The following MYO16 variants were observed in gnomAD, a reference collection of about 807,000 sequenced individuals.
MYO16 encodes myosin XVI.
Under a neutral mutation model 205.3 loss-of-function variants are expected in MYO16, and 94 were observed. The ratio of observed to expected loss-of-function variants is 0.46; its 90% confidence interval spans 0.39 to 0.54. The LOEUF (loss-of-function observed/expected upper bound fraction) is 0.54. Ranked by LOEUF, MYO16 falls within the 20% of genes least tolerant of loss-of-function variation. The pLI, the probability that MYO16 is intolerant of heterozygous loss-of-function variation, is 0.00. For synonymous variants in MYO16, 988 were observed against 954.0 expected (o/e 1.04, Z -0.66); for missense variants, 2,315 against 2,387.5 (o/e 0.97, Z 0.63).
chr13:109,020,827 T>C (rs1885998576), intron 23 of MYO16, among the ~76,000 whole-genome samples: 1 of 152,196 alleles, frequency 6.6e-6, no homozygotes, highest in Non-Finnish European at 1.5e-5. Context: ...TTTCGACCAG[T>C]GTTTCTAGAC....
intron 13 of MYO16, among the ~76,000 whole-genome samples, chr13:108,886,018 C>G (rs9559435): frequency 0.11 from 16,276 of 151,732 alleles, 891 homozygotes; most frequent in Middle Eastern, 0.13. Flanking sequence ...TCTTGAGTCT[C>G]GCTCTGTCGC....
chr13:108,618,837 T>C (rs1879440202), intron 1 of MYO16, among the ~76,000 whole-genome samples: 1 of 152,184 alleles, frequency 6.6e-6, no homozygotes, highest in South Asian at 2.1e-4. Flanking sequence ...AAACAATAGA[T>C]TATAATTTGC....
At chr13:108,736,579 T>C (rs1884709359) in intron 4 of MYO16, among the ~76,000 whole-genome samples, 1 of 152,208 alleles carries the variant, frequency 6.6e-6, no homozygotes. Flanking sequence ...GGTAGCGTGA[T>C]GCCTCCAGCT....
intron 1 of MYO16, among the ~76,000 whole-genome samples, chr13:108,652,013 T>A (rs768209475): frequency 6.6e-6 from 1 of 152,060 alleles, no homozygotes; most frequent in Non-Finnish European, 1.5e-5. Context: ...TCTTTGAGAA[T>A]CCACATTGTT....
At chr13:108,946,773 G>A (rs747825557) in intron 16 of MYO16, among the ~76,000 whole-genome samples, 2 of 151,664 alleles carry the variant, frequency 1.3e-5, no homozygotes, top group South Asian at 2.1e-4. Context: ...ATATAGTCTC[G>A]CTCTGTCACC....
At chr13:108,923,172 A>T (rs975747518) in intron 16 of MYO16, among the ~76,000 whole-genome samples, 2 of 152,208 alleles carry the variant, frequency 1.3e-5, no homozygotes, top group African/African-American at 4.8e-5. Flanking sequence ...CTCACAGGGA[A>T]GGAGAGGCCT....
chr13:108,908,987 A>AAATAAAT (rs1555311597), intron 15 of MYO16, among the ~76,000 whole-genome samples: 2,155 of 148,842 alleles, frequency 0.014, 63 homozygotes, highest in Admixed American at 0.064. Context: ...AAAATAAAAT[A>AAATAAAT]AAATAAATAA....
chr13:108,869,731 TAAAAAAAAA>T lies in MYO16; in HGVS notation c.1425+3510_1425+3518del, dbSNP rs68025820. ...GGGCGACAGAGCGAGACTCCGTTTC[TAAAAAAAAA>T]AAAAAAAAAAAAAAAAAAAAGAAAC... On this transcript the variant is annotated intron_variant, in intron 12 of 34. Coordinates refer to ENST00000457511, the MANE Select transcript of MYO16 (RefSeq NM_001198950.3). 1.5e-3 allele frequency among the ~76,000 whole-genome samples: 102 copies of T among 67,028 alleles called. 4 individuals carry two copies. In the East Asian group the frequency reaches 0.027, roughly 18 times the overall value. The allele number at this position is 67,028 out of a possible 152,430, so 44.0% of individuals were successfully genotyped here.
chr13:108,928,468 G>A (rs1043209702), intron 16 of MYO16, among the ~76,000 whole-genome samples: 9 of 152,194 alleles, frequency 5.9e-5, no homozygotes, highest in African/African-American at 2.2e-4. Context: ...ATAATGCCAT[G>A]TGTTTTATCT....
intron 3 of MYO16, among the ~76,000 whole-genome samples, chr13:108,714,301 C>G (rs113482882): frequency 1.3e-3 from 203 of 152,296 alleles, no homozygotes; most frequent in African/African-American, 4.8e-3. Flanking sequence ...GTGATCCACC[C>G]GCCTTGGCCT....
chr13:108,727,779 G>T (rs1323449901), intron 4 of MYO16, among the ~76,000 whole-genome samples, 196 bp downstream of exon 4: 1 of 152,204 alleles, frequency 6.6e-6, no homozygotes, highest in Non-Finnish European at 1.5e-5. Context: ...AATTTGTGCA[G>T]ATACTATGCC....
chr13:109,114,374 C>A (rs925680836), intron 28 of MYO16, among the ~76,000 whole-genome samples: 2 of 152,170 alleles, frequency 1.3e-5, no homozygotes, highest in African/African-American at 4.8e-5. Context: ...TTTATAGGAT[C>A]AAGGGTGTGT....
chr13:108,666,686 C>T (rs182058117), intron 2 of MYO16, among the ~76,000 whole-genome samples: 108 of 152,216 alleles, frequency 7.1e-4, no homozygotes, highest in Non-Finnish European at 4.6e-4. Context: ...AGTAATGTCA[C>T]TTTCCCCGAC....
At chr13:108,658,700 A>G (rs1045924227) in intron 1 of MYO16, among the ~76,000 whole-genome samples, 2 of 152,050 alleles carry the variant, frequency 1.3e-5, no homozygotes, top group African/African-American at 4.8e-5. Context: ...ATGGGGAGGT[A>G]TGGTTTCATT....
intron 4 of MYO16, among the ~76,000 whole-genome samples, chr13:108,767,690 C>A (rs1237339899): frequency 6.6e-6 from 1 of 152,060 alleles, no homozygotes; most frequent in African/African-American, 2.4e-5. Flanking sequence ...GTAATCAAAC[C>A]AAATCTACTG....
At chr13:108,985,960 G>T (rs1191625243) in intron 20 of MYO16, among the ~76,000 whole-genome samples, 1 of 152,148 alleles carries the variant, frequency 6.6e-6, no homozygotes, top group African/African-American at 2.4e-5. Context: ...AGAAAAAGAG[G>T]TTTAATGGAC....
chr13:108,737,532 C>T (rs1003422786), intron 4 of MYO16, among the ~76,000 whole-genome samples: 18 of 152,232 alleles, frequency 1.2e-4, no homozygotes, highest in Non-Finnish European at 2.2e-4. Context: ...CTGCTGGATT[C>T]GGTTTGCCAG....
intron 27 of MYO16, among the ~76,000 whole-genome samples, chr13:109,086,401 C>A (rs1888436196): frequency 6.6e-6 from 1 of 152,160 alleles, no homozygotes; most frequent in African/African-American, 2.4e-5. Context: ...TAGATAGGAT[C>A]CAGCCTTTGA....
rs111689667 is a variant in MYO16, at chr13:108,814,979, A to T, written c.868-5358A>T. ...AGGCAAGGTTAGGAAAGGAGAAAGG[A>T]TAATGAAAATAGCAAAGAATCTCCA... On this transcript the variant is annotated intron_variant, in intron 7 of 34. Transcript: ENST00000457511. Among the ~76,000 whole-genome samples the T allele has an allele frequency of 1.6e-3, 238 of 152,354 alleles. 1 individual carries two copies. The highest frequency in any genetic ancestry group is 5.5e-3 in the African/African-American group (228 of 41,582).
Sources: allele counts gnomAD v4.1 joint callset (sites outside exome capture counted in the v4.1 genomes callset), GRCh38; gene constraint gnomAD v4.1.1; transcripts MANE v1.5; gene names NCBI Gene and HGNC (gene_info 2026-07-23, HGNC 2026-07-21).